ARL17A: variants seen among roughly 807,000 people sequenced by gnomAD.
ARL17A encodes the protein ARF like GTPase 17A, also known as ADP-ribosylation factor-like 17-like.
chr17:46,558,335 C>T (rs1200817753), intron 3 of ARL17A, among the ~76,000 whole-genome samples: 1 of 110,470 alleles, frequency 9.1e-6, no homozygotes, highest in Non-Finnish European at 1.8e-5. Flanking sequence ...GCTGAGATTA[C>T]AGGTGCGAGC....
At chr17:46,540,437 G>A (rs1207949008) in intron 3 of ARL17A, among the ~76,000 whole-genome samples, 1 of 144,196 alleles carries the variant, frequency 6.9e-6, no homozygotes. Flanking sequence ...AGCAGGGGAA[G>A]AGAACAGCAT....
At chr17:46,534,825 C>T (rs2054370689) in intron 4 of ARL17A, among the ~76,000 whole-genome samples, 1 of 147,420 alleles carries the variant, frequency 6.8e-6, no homozygotes. Context: ...CAGGCGGGGG[C>T]TGGCCCCCAC....
At chr17:46,502,300 T>G in the ARL17A span, among the ~76,000 whole-genome samples, 1 of 151,138 alleles carries the variant, frequency 6.6e-6, no homozygotes, top group Non-Finnish European at 1.5e-5. Context: ...TTATCTAGTT[T>G]AAGGGTCCTT....
intron 4 of ARL17A, among the ~76,000 whole-genome samples, chr17:46,534,451 C>T (rs1486828101): frequency 1.9e-4 from 29 of 148,814 alleles, no homozygotes; most frequent in Non-Finnish European, 3.3e-4. Context: ...CATCTTGCAC[C>T]GCCCTTAATC....
intron 3 of ARL17A, among the ~76,000 whole-genome samples, chr17:46,543,255 C>T (rs1435236910): frequency 6.6e-6 from 1 of 150,490 alleles, no homozygotes; most frequent in Non-Finnish European, 1.5e-5. Context: ...AGTAGGCCAG[C>T]TCATTTGAGT....
At chr17:46,534,248 G>T (rs1309741796) in intron 4 of ARL17A, among the ~76,000 whole-genome samples, 1 of 145,666 alleles carries the variant, frequency 6.9e-6, no homozygotes, top group Admixed American at 6.7e-5. Context: ...CTCGCAGAGG[G>T]GGATTTGGCA....
the ARL17A span, among the ~76,000 whole-genome samples, chr17:46,502,994 C>T: frequency 2.1e-4 from 31 of 150,666 alleles, no homozygotes; most frequent in South Asian, 1.9e-3. Context: ...GGGTGGATCC[C>T]GATGTCAGGA....
chr17:46,525,701 A>G (rs2052650161), downstream of ARL17A, among the ~76,000 whole-genome samples: 1 of 116,700 alleles, frequency 8.6e-6, no homozygotes, highest in Non-Finnish European at 1.9e-5. Flanking sequence ...CTGGAATCAC[A>G]GTTGATAAAA....
intron 4 of ARL17A, among the ~76,000 whole-genome samples, chr17:46,535,083 A>G (rs2054461499): frequency 6.7e-6 from 1 of 148,184 alleles, no homozygotes; most frequent in African/African-American, 2.6e-5. Flanking sequence ...TTGTAGAGAC[A>G]GGGTTTTACT....
downstream of ARL17A, among the ~76,000 whole-genome samples, chr17:46,516,109 G>GCTA (rs1259363943): frequency 1.4e-5 from 2 of 145,926 alleles, no homozygotes; most frequent in East Asian, 4.0e-4. Context: ...GACCATCCTG[G>GCTA]CTAACATGGT....
At chr17:46,502,923 G>C in the ARL17A span, among the ~76,000 whole-genome samples, 1 of 150,520 alleles carries the variant, frequency 6.6e-6, no homozygotes, top group Non-Finnish European at 1.5e-5. Flanking sequence ...TTAAAAATTA[G>C]TCTTCATTGC....
At chr17:46,568,558 C>G (rs1371910698) in intron 3 of ARL17A, among the ~76,000 whole-genome samples, 1 of 100,110 alleles carries the variant, frequency 1.0e-5, no homozygotes, top group Non-Finnish European at 1.9e-5. Context: ...GGTCTCAGCA[C>G]TTTGGGAGGC....
Position 46,520,899 on chromosome 17 carries a change from G to A in ARL17A, c.260-3666C>T, listed in dbSNP as rs1219825589. On this transcript the variant is annotated intron_variant, in intron 3 of 4. Coordinates refer to the ARL17A transcript ENST00000445552. ...TCCAGAATTTTTTGGTAATTTAATC[G>A]GAATTAAATTAACATTTAAATATTA... 2.7e-5 allele frequency among the ~76,000 whole-genome samples: 2 copies of A among 75,104 alleles called. 1 individual carries two copies. The highest frequency in any genetic ancestry group is 8.1e-5 in the African/African-American group (2 of 24,782). 49.3% of individuals were successfully genotyped at this position (75,104 alleles called of 152,430 possible). A position where few individuals can be genotyped will look rare whatever the true frequency, so the allele number is the denominator to read the frequency against.
chr17:46,540,448 TGAA>T (rs2055110854), intron 3 of ARL17A, among the ~76,000 whole-genome samples: 1 of 146,502 alleles, frequency 6.8e-6, no homozygotes, highest in South Asian at 2.1e-4. Context: ...AGAACAGCAT[TGAA>T]GAACCCATAT....
At chr17:46,506,331 G>GT in the ARL17A span, among the ~76,000 whole-genome samples, 1 of 76,686 alleles carries the variant, frequency 1.3e-5, no homozygotes, top group Admixed American at 1.3e-4. Context: ...AACCTTTTTT[G>GT]TTTTTTTGAG....
downstream of ARL17A, among the ~76,000 whole-genome samples, chr17:46,525,837 CT>C (rs1337467361): frequency 3.4e-5 from 3 of 89,506 alleles, no homozygotes; most frequent in African/African-American, 1.4e-4. Context: ...CCCCAGGGGA[CT>C]TTCATTCCTC....
At chr17:46,545,731 T>C (rs1427183104) in intron 3 of ARL17A, among the ~76,000 whole-genome samples, 1 of 129,370 alleles carries the variant, frequency 7.7e-6, no homozygotes, top group Non-Finnish European at 1.6e-5. Context: ...ATATTAAATA[T>C]GTGGTAACTT....
intron 3 of ARL17A, among the ~76,000 whole-genome samples, chr17:46,542,492 C>G (rs1472189202): frequency 6.8e-6 from 1 of 146,180 alleles, no homozygotes; most frequent in South Asian, 2.1e-4. Context: ...GCATGAGACA[C>G]CGTGCCTGGC....
chr17:46,516,106 C>T (rs1287014187), downstream of ARL17A, among the ~76,000 whole-genome samples: 1 of 145,668 alleles, frequency 6.9e-6, no homozygotes, highest in Non-Finnish European at 1.5e-5. Flanking sequence ...CAAGACCATC[C>T]TGGCTAACAT....
Sources: gnomAD v4.1 joint callset for allele counts (sites outside exome capture counted in the v4.1 genomes callset) on GRCh38, gnomAD v4.1.1 for gene constraint, MANE v1.5 for transcripts, NCBI Gene and HGNC (gene_info 2026-07-23, HGNC 2026-07-21) for gene names.